The following TSKS variants were observed in gnomAD, a reference collection of about 807,000 sequenced individuals.
TSKS encodes the protein testis specific serine kinase substrate, also known as testis-specific serine kinase substrate.
TSKS carries 27 observed loss-of-function variants against 68.0 expected under a neutral mutation model. That is an observed-to-expected ratio of 0.40 (90% CI 0.29 to 0.55). TSKS has a LOEUF of 0.55. Ranked by LOEUF, TSKS falls within the 20% of genes least tolerant of loss-of-function variation. The probability of loss-of-function intolerance (pLI) is 0.53; values close to 1 mark genes in which losing one functional copy is unlikely to be tolerated. For missense variants in TSKS, 806 were observed against 776.0 expected, an observed-to-expected ratio of 1.04 and a Z score of -0.46; for synonymous variants, 331 against 340.4, an observed-to-expected ratio of 0.97 and a Z score of 0.30.
At position 49,741,876 on chromosome 19, in the gene TSKS, C is replaced by G. The variant is rs1388942259; in HGVS notation, c.1497+9G>C. The stretch of plus-strand genomic sequence containing the variant: ...AAAGTGGGACATGGTGGCCCATATT[C>G]CCTGGTACCAGAATCTTCTTGTGTA... On this transcript the variant is annotated intron_variant, in intron 9 of 10. Coordinates refer to ENST00000246801, the MANE Select transcript of TSKS (RefSeq NM_021733.2). The G allele has an allele frequency of 6.2e-7, 1 of 1,614,060 alleles. No homozygotes were observed. Among genetic ancestry groups the G allele is most frequent in the East Asian group, 2.2e-5 (1 of 44,888 alleles).
chr19:49,762,278 T>C, intron 1 of TSKS, 46 bp from the exon 2 acceptor site: 1 of 1,518,446 alleles, frequency 6.6e-7, no homozygotes, highest in African/African-American at 1.4e-5. Context: ...AGCCCCAGGG[T>C]GTCTGGGCCC....
At chr19:49,757,076 A>C (rs1453638138) in intron 2 of TSKS, among the ~76,000 whole-genome samples, 1 of 152,216 alleles carries the variant, frequency 6.6e-6, no homozygotes, top group East Asian at 1.9e-4. Context: ...AAAATAGAAT[A>C]AAGTAGAATT....
chr19:49,741,871 A>G lies in TSKS; in HGVS notation c.1497+14T>C. 1.2e-6 allele frequency: 2 copies of G among 1,614,086 alleles called. No homozygotes were observed. Among genetic ancestry groups the G allele is most frequent in the Non-Finnish European group, 1.7e-6 (2 of 1,180,014 alleles). On this transcript the variant is annotated intron_variant, in intron 9 of 10. Transcript: ENST00000246801. ...AAAGTAAAGTGGGACATGGTGGCCC[A>G]TATTCCCTGGTACCAGAATCTTCTT... is the stretch of plus-strand genomic sequence containing the variant.
chr19:49,754,248 C>G (rs1298538002), intron 2 of TSKS, among the ~76,000 whole-genome samples: 1 of 150,810 alleles, frequency 6.6e-6, no homozygotes, highest in Non-Finnish European at 1.5e-5. Context: ...CCTGTAATCT[C>G]AGCACTTTGG....
intron 2 of TSKS, among the ~76,000 whole-genome samples, chr19:49,759,647 C>CAA (rs58074826): frequency 0.29 from 32,043 of 112,072 alleles, 4,844 homozygotes; most frequent in African/African-American, 0.45. Flanking sequence ...GACCCAGTCT[C>CAA]AAAAAAAAAA....
At chr19:49,742,655 G>T (rs527553742) in intron 8 of TSKS, among the ~76,000 whole-genome samples, 1 of 151,072 alleles carries the variant, frequency 6.6e-6, no homozygotes, top group Non-Finnish European at 1.5e-5. Context: ...CCGCCAGCAC[G>T]CCTAGCTAAT....
chr19:49,747,142 C>T, intron 5 of TSKS: 1 of 1,535,624 alleles, frequency 6.5e-7, no homozygotes, highest in Non-Finnish European at 8.7e-7. Context: ...GACGGGCCTT[C>T]TCACCTGAAG....
intron 2 of TSKS, among the ~76,000 whole-genome samples, chr19:49,755,537 C>A (rs1408364806): frequency 6.6e-6 from 1 of 151,482 alleles, no homozygotes; most frequent in Non-Finnish European, 1.5e-5. Flanking sequence ...TCATAAAAAA[C>A]AACAATAAGA....
intron 2 of TSKS, among the ~76,000 whole-genome samples, 180 bp from the exon 3 acceptor site, chr19:49,748,649 G>T (rs2084323417): frequency 6.6e-6 from 1 of 152,190 alleles, no homozygotes; most frequent in African/African-American, 2.4e-5. Flanking sequence ...CAAACCCAGG[G>T]CATAAACGAC....
At chr19:49,752,702 A>G (rs898978406) in intron 2 of TSKS, among the ~76,000 whole-genome samples, 16 of 152,250 alleles carry the variant, frequency 1.1e-4, no homozygotes, top group African/African-American at 3.9e-4. Context: ...TGGGGTAAAC[A>G]ATAAAAAGCA....
intron 2 of TSKS, among the ~76,000 whole-genome samples, chr19:49,755,417 G>T (rs140984732): frequency 6.6e-6 from 1 of 152,056 alleles, no homozygotes; most frequent in African/African-American, 2.4e-5. Flanking sequence ...TCCAGGGGCC[G>T]GGCCAAGTGA....
At chr19:49,758,114 C>T (rs2084408326) in intron 2 of TSKS, among the ~76,000 whole-genome samples, 1 of 150,556 alleles carries the variant, frequency 6.6e-6, no homozygotes, top group Non-Finnish European at 1.5e-5. Flanking sequence ...GTCTCTGTCC[C>T]CCACTCTCTG....
Position 49,748,180 on chromosome 19 carries a change from AAGG to A in TSKS, c.496-15_496-13del. On this transcript the variant is annotated splice_polypyrimidine_tract_variant and intron_variant, in intron 3 of 10. Coordinates refer to ENST00000246801, the MANE Select transcript of TSKS (RefSeq NM_021733.2). ...ACAGAACACTCGCTCTGGAGCATGG[AAGG>A]AGGAGAGGTTAGCCAAGGACACGAG... is the stretch of plus-strand genomic sequence containing the variant. 1 of 1,614,028 alleles carries A rather than the reference AAGG, an allele frequency of 6.2e-7. No homozygotes were observed. Among genetic ancestry groups the A allele is most frequent in the African/African-American group, 1.3e-5 (1 of 75,028 alleles).
intron 2 of TSKS, among the ~76,000 whole-genome samples, chr19:49,759,468 CAAAAAAAA>C (rs557013917): frequency 9.5e-6 from 1 of 105,468 alleles, no homozygotes; most frequent in East Asian, 2.7e-4. Flanking sequence ...ACTCCATTTC[CAAAAAAAA>C]AAAAAAAAAA....
chr19:49,744,222 C>T lies in TSKS; in HGVS notation c.1361+9G>A, dbSNP rs2084276784. The T allele has an allele frequency of 6.2e-7, 1 of 1,608,094 alleles. No homozygotes were observed. The highest frequency in any genetic ancestry group is 1.3e-5 in the African/African-American group (1 of 74,934). Reference sequence around the variant, plus strand: ...ACAAGGCTCCCAGAGGCAAGCCCAGCCCCGTTACCTGGCACAGCGGGCACA... The same window carrying T: ...ACAAGGCTCCCAGAGGCAAGCCCAGTCCCGTTACCTGGCACAGCGGGCACA... On this transcript the variant is annotated intron_variant, in intron 8 of 10. Transcript: ENST00000246801.
Position 49,744,413 on chromosome 19 carries a change from T to C in TSKS, c.1188-9A>G, listed in dbSNP as rs1316989442. On this transcript the variant is annotated splice_polypyrimidine_tract_variant and intron_variant, in intron 7 of 10. Coordinates refer to ENST00000246801, the MANE Select transcript of TSKS (RefSeq NM_021733.2). ...CTGCTGACCGCTCCACCCTGAGGCA[T>C]GAGTAACCAGTGCTGCTGGGTCGTC... is the stretch of plus-strand genomic sequence containing the variant. 1 of 1,610,358 alleles carries C rather than the reference T, an allele frequency of 6.2e-7. No homozygotes were observed. The highest frequency in any genetic ancestry group is 8.5e-7 in the Non-Finnish European group (1 of 1,176,928).
Position 49,740,198 on chromosome 19 carries a change from G to A in TSKS, c.1498-15C>T, listed in dbSNP as rs1245227007. The A allele has an allele frequency of 5.6e-6, 9 of 1,606,138 alleles. No homozygotes were observed. The highest frequency in any genetic ancestry group is 4.4e-5 in the South Asian group (4 of 90,790). On this transcript the variant is annotated splice_polypyrimidine_tract_variant and intron_variant, in intron 9 of 10. Coordinates refer to ENST00000246801, the MANE Select transcript of TSKS (RefSeq NM_021733.2). Reference sequence around the variant, plus strand: ...CGCTCCAGCTCCTGGGGAGAGGAGCGTAGGCGTAGCTGGGCTTGCTGGACT... The same window carrying A: ...CGCTCCAGCTCCTGGGGAGAGGAGCATAGGCGTAGCTGGGCTTGCTGGACT...
Position 49,740,074 on chromosome 19 carries a change from T to A in TSKS, c.1607A>T (p.Asp536Val). ...ALRAKNLLLT[D>V]KMKPEEKMAT... Reference sequence around the variant, plus strand: ...CCTTCCTCACTCTGGCTTCATCTTGTCTGTCAGCAGTAGGTTCTTGGCCCG... The same window carrying A: ...CCTTCCTCACTCTGGCTTCATCTTGACTGTCAGCAGTAGGTTCTTGGCCCG... Residue 536 changes from aspartate to valine, a missense_variant, in exon 10 of 11, where the codon GAC (aspartate) becomes GTC (valine). Asp to Val is a radical substitution (Grantham distance 152, BLOSUM62 -3). Coordinates refer to ENST00000246801, the MANE Select transcript of TSKS (RefSeq NM_021733.2). 2 of 1,614,186 alleles carry A rather than the reference T, an allele frequency of 1.2e-6. No homozygotes were observed. Among genetic ancestry groups the A allele is most frequent in the Non-Finnish European group, 1.7e-6 (2 of 1,180,030 alleles).
At chr19:49,745,921 C>T (rs1422352037) in intron 6 of TSKS, among the ~76,000 whole-genome samples, 1 of 152,196 alleles carries the variant, frequency 6.6e-6, no homozygotes, top group East Asian at 1.9e-4. Context: ...CGGTGGCTCA[C>T]GCCTGTAATC....
Sources: allele counts gnomAD v4.1 joint callset (sites outside exome capture counted in the v4.1 genomes callset), GRCh38; gene constraint gnomAD v4.1.1; transcripts MANE v1.5; gene names NCBI Gene and HGNC (gene_info 2026-07-23, HGNC 2026-07-21).